KCNT1: variants seen among roughly 807,000 people sequenced by gnomAD.
KCNT1 encodes potassium channel subfamily T member 1.
Under a neutral mutation model 147.8 loss-of-function variants are expected in KCNT1, and 78 were observed. That is an observed-to-expected ratio of 0.53 (90% CI 0.44 to 0.64). The LOEUF (loss-of-function observed/expected upper bound fraction) is 0.64, where lower values mean the gene tolerates loss of function less well. Among genes scored for constraint, KCNT1 ranks in the 30% least tolerant of loss-of-function variants. The probability of loss-of-function intolerance (pLI) is 0.00; values close to 1 mark genes in which losing one functional copy is unlikely to be tolerated. For synonymous variants in KCNT1, 867 were observed against 748.8 expected (o/e 1.16, Z -2.58); for missense variants, 1,419 against 1,750.3 (o/e 0.81, Z 3.38).
intron 2 of KCNT1, among the ~76,000 whole-genome samples, chr9:135,745,319 G>A (rs117769839): frequency 2.6e-5 from 4 of 152,048 alleles, no homozygotes; most frequent in Admixed American, 1.3e-4. Context: ...GCGTTCCACC[G>A]AGCCCACGCC....
intron 2 of KCNT1, among the ~76,000 whole-genome samples, chr9:135,734,568 C>T (rs1830257649): frequency 6.6e-6 from 1 of 152,150 alleles, no homozygotes; most frequent in South Asian, 2.1e-4. Context: ...ACTCCATGGA[C>T]AACACGGCAC....
intron 2 of KCNT1, among the ~76,000 whole-genome samples, chr9:135,719,112 C>T (rs999219501): frequency 6.6e-6 from 1 of 152,238 alleles, no homozygotes. Context: ...GACAGTCTCA[C>T]TGCCCCTCTG....
chr9:135,747,387 C>T (rs1464494514), intron 2 of KCNT1, among the ~76,000 whole-genome samples: 4 of 151,974 alleles, frequency 2.6e-5, no homozygotes, highest in Admixed American at 6.5e-5. Context: ...TTTTAGGGCC[C>T]GGTGGTCCCT....
At chr9:135,767,145 A>G (rs893366891) in intron 13 of KCNT1, among the ~76,000 whole-genome samples, 1 of 151,984 alleles carries the variant, frequency 6.6e-6, no homozygotes, top group Non-Finnish European at 1.5e-5. Flanking sequence ...GTCTCTCCTC[A>G]TCACTCCCCC....
chr9:135,783,828 C>T (rs1316490380), intron 24 of KCNT1, among the ~76,000 whole-genome samples, 196 bp from the exon 25 acceptor site: 1 of 152,252 alleles, frequency 6.6e-6, no homozygotes, highest in Non-Finnish European at 1.5e-5. Flanking sequence ...GAAGATAGAG[C>T]TGGTTCAGGC....
intron 19 of KCNT1, among the ~76,000 whole-genome samples, chr9:135,774,601 TTG>T (rs1056030744): frequency 3.0e-4 from 45 of 151,436 alleles, no homozygotes; most frequent in Middle Eastern, 3.4e-3. Context: ...GTGGTACGTG[TTG>T]TGTGTTGTGT....
intron 29 of KCNT1, chr9:135,790,503 C>T (rs1162182491): frequency 1.3e-5 from 2 of 152,470 alleles, no homozygotes; most frequent in Admixed American, 1.3e-4. Context: ...TGAAGCAGAG[C>T]TGGTCTCCTG....
intron 1 of KCNT1, among the ~76,000 whole-genome samples, chr9:135,706,208 C>T (rs1195099769): frequency 1.3e-5 from 2 of 152,210 alleles, no homozygotes; most frequent in African/African-American, 4.8e-5. Context: ...GCTGACAGCA[C>T]ATACTTGGTG....
intron 21 of KCNT1, among the ~76,000 whole-genome samples, chr9:135,777,985 A>G (rs12004910): frequency 6.9e-6 from 1 of 144,238 alleles, no homozygotes; most frequent in Non-Finnish European, 1.5e-5. Context: ...CAGCTCCTCC[A>G]TGCTCTCAGC....
At chr9:135,788,611 G>C (rs1834253021) in intron 29 of KCNT1, among the ~76,000 whole-genome samples, 1 of 152,192 alleles carries the variant, frequency 6.6e-6, no homozygotes, top group African/African-American at 2.4e-5. Flanking sequence ...CCGAGCCAGG[G>C]CCCCGGGAGG....
At chr9:135,747,474 C>T (rs1425602565) in intron 2 of KCNT1, among the ~76,000 whole-genome samples, 1 of 152,104 alleles carries the variant, frequency 6.6e-6, no homozygotes, top group African/African-American at 2.4e-5. Context: ...CCCGCCTCAG[C>T]CCTGCCTGCC....
At chr9:135,745,278 G>A (rs920290300) in intron 2 of KCNT1, among the ~76,000 whole-genome samples, 1 of 152,160 alleles carries the variant, frequency 6.6e-6, no homozygotes, top group Non-Finnish European at 1.5e-5. Flanking sequence ...GGCTCCCCAC[G>A]GGAGTTCTCG....
intron 2 of KCNT1, among the ~76,000 whole-genome samples, chr9:135,738,971 C>T (rs540278093): frequency 6.6e-5 from 10 of 152,224 alleles, no homozygotes; most frequent in East Asian, 3.9e-4. Flanking sequence ...AGTGAGACCC[C>T]GCTGCATCAG....
At chr9:135,703,371 C>T (rs1453474654) in intron 1 of KCNT1, among the ~76,000 whole-genome samples, 1 of 152,150 alleles carries the variant, frequency 6.6e-6, no homozygotes, top group African/African-American at 2.4e-5. Flanking sequence ...CTCAGTTTCC[C>T]CGAGTGTAAA....
intron 29 of KCNT1, chr9:135,788,045 C>T: frequency 7.8e-6 from 11 of 1,407,394 alleles, no homozygotes; most frequent in Non-Finnish European, 1.0e-5. Flanking sequence ...ACCTCGCTTG[C>T]TGATATTCTC....
At chr9:135,706,394 C>T (rs933854151) in intron 1 of KCNT1, among the ~76,000 whole-genome samples, 2 of 152,238 alleles carry the variant, frequency 1.3e-5, no homozygotes, top group African/African-American at 4.8e-5. Context: ...TAATGTTTGC[C>T]GCATGGCCCA....
chr9:135,774,428 TGTGTGGTGTGTCTGTG>T (rs1832998777), intron 19 of KCNT1, among the ~76,000 whole-genome samples: 1 of 143,318 alleles, frequency 7.0e-6, no homozygotes, highest in Non-Finnish European at 1.5e-5. Context: ...GTCTGTGTGT[TGTGTGGTGTGTCTGTG>T]GTGTGTCTGT....
intron 2 of KCNT1, among the ~76,000 whole-genome samples, chr9:135,738,605 C>T (rs961470314): frequency 6.6e-6 from 1 of 152,180 alleles, no homozygotes; most frequent in Non-Finnish European, 1.5e-5. Context: ...AGACTCTGCC[C>T]GTCTCATTGT....
intron 1 of KCNT1, among the ~76,000 whole-genome samples, chr9:135,710,520 C>T (rs1835441781): frequency 6.6e-6 from 1 of 152,204 alleles, no homozygotes; most frequent in African/African-American, 2.4e-5. Flanking sequence ...GAGCTGCACT[C>T]GTTCCAATAC....
Sources: gnomAD v4.1 joint callset for allele counts (sites outside exome capture counted in the v4.1 genomes callset) on GRCh38, gnomAD v4.1.1 for gene constraint, MANE v1.5 for transcripts, NCBI Gene and HGNC (gene_info 2026-07-23, HGNC 2026-07-21) for gene names.